The following PAX5 variants were observed in gnomAD, a reference collection of about 807,000 sequenced individuals.
PAX5 encodes paired box protein Pax-5.
A neutral mutation model predicts 43.7 loss-of-function variants in PAX5; 9 were observed. That is an observed-to-expected ratio of 0.21 (90% CI 0.12 to 0.36). The LOEUF is 0.36. Ranked by LOEUF, PAX5 falls within the 10% of genes least tolerant of loss-of-function variation. The pLI is 1.00. For missense variants in PAX5, 383 were observed against 532.7 expected (o/e 0.72, Z 2.77); for synonymous variants, 228 against 214.3 (o/e 1.06, Z -0.56).
chr9:36,998,844 C>T (rs1035530758), intron 5 of PAX5, among the ~76,000 whole-genome samples: 1 of 152,126 alleles, frequency 6.6e-6, no homozygotes, highest in African/African-American at 2.4e-5. Context: ...AATATAGCAT[C>T]AAATTTTTTA....
chr9:36,956,137 A>T (rs1025868547), intron 6 of PAX5, among the ~76,000 whole-genome samples: 1 of 152,174 alleles, frequency 6.6e-6, no homozygotes. Flanking sequence ...ATTCTCACAC[A>T]GTATTTTGGC....
intron 6 of PAX5, among the ~76,000 whole-genome samples, chr9:36,947,788 C>T (rs552918612): frequency 1.3e-5 from 2 of 152,028 alleles, no homozygotes; most frequent in Non-Finnish European, 2.9e-5. Flanking sequence ...CTTTGGCCAC[C>T]TGAAACTACT....
chr9:36,937,174 G>T (rs986728152), intron 6 of PAX5, among the ~76,000 whole-genome samples: 2 of 152,162 alleles, frequency 1.3e-5, no homozygotes, highest in African/African-American at 4.8e-5. Context: ...CATTGACTGG[G>T]TGCTTACTGT....
intron 8 of PAX5, among the ~76,000 whole-genome samples, chr9:36,863,064 G>A (rs904333417): frequency 1.3e-5 from 2 of 152,174 alleles, no homozygotes; most frequent in African/African-American, 4.8e-5. Flanking sequence ...CTGCTCAAGA[G>A]AAGGAAGGAA....
At chr9:36,964,056 G>A (rs367605663) in intron 6 of PAX5, among the ~76,000 whole-genome samples, 2 of 152,090 alleles carry the variant, frequency 1.3e-5, no homozygotes, top group African/African-American at 2.4e-5. Flanking sequence ...CGAGGCAGGC[G>A]GATCATGAGG....
intron 1 of PAX5, among the ~76,000 whole-genome samples, chr9:37,021,036 C>A (rs562698687): frequency 1.3e-5 from 2 of 152,290 alleles, no homozygotes; most frequent in African/African-American, 4.8e-5. Flanking sequence ...CAGCAAACAT[C>A]CCCATACTAT....
chr9:36,857,601 G>A (rs1213540237), intron 8 of PAX5, among the ~76,000 whole-genome samples: 1 of 152,232 alleles, frequency 6.6e-6, no homozygotes, highest in African/African-American at 2.4e-5. Flanking sequence ...TGGCTGCAAT[G>A]TGGGCTTGAG....
intron 4 of PAX5, among the ~76,000 whole-genome samples, chr9:37,005,618 A>G (rs546813743): frequency 4.6e-5 from 7 of 152,346 alleles, no homozygotes; most frequent in Non-Finnish European, 7.3e-5. Flanking sequence ...TGTGAGTTCA[A>G]GTTCTCAGTT....
intron 6 of PAX5, among the ~76,000 whole-genome samples, chr9:36,926,394 G>A (rs1003627090): frequency 6.6e-6 from 1 of 152,192 alleles, no homozygotes; most frequent in Non-Finnish European, 1.5e-5. Context: ...GTGTGTACGA[G>A]GTAGAGATTA....
intron 7 of PAX5, among the ~76,000 whole-genome samples, chr9:36,897,180 G>A (rs1485123986): frequency 6.6e-6 from 1 of 152,196 alleles, no homozygotes; most frequent in East Asian, 1.9e-4. Context: ...CTCGGGTCCA[G>A]GCAGCAGCTG....
chr9:36,952,418 T>G (rs572801760), intron 6 of PAX5, among the ~76,000 whole-genome samples: 16 of 152,116 alleles, frequency 1.1e-4, no homozygotes, highest in African/African-American at 3.9e-4. Flanking sequence ...TTTTTGCATT[T>G]TAGTAGAGAC....
chr9:36,958,775 C>T (rs1308499876), intron 6 of PAX5, among the ~76,000 whole-genome samples: 1 of 152,178 alleles, frequency 6.6e-6, no homozygotes, highest in African/African-American at 2.4e-5. Flanking sequence ...GGCCCTGACC[C>T]CAGCACACAA....
intron 6 of PAX5, among the ~76,000 whole-genome samples, chr9:36,949,101 G>A (rs576038612): frequency 6.6e-5 from 10 of 152,076 alleles, no homozygotes; most frequent in East Asian, 3.9e-4. Context: ...TCGCTCTGTC[G>A]CCCAGGCTGG....
At chr9:36,931,759 G>A (rs1831142419) in intron 6 of PAX5, among the ~76,000 whole-genome samples, 1 of 150,396 alleles carries the variant, frequency 6.6e-6, no homozygotes, top group Non-Finnish European at 1.5e-5. Context: ...TGAGGCAGGA[G>A]AATTGCTTGA....
intron 9 of PAX5, among the ~76,000 whole-genome samples, chr9:36,844,512 G>A (rs1309487710): frequency 6.6e-6 from 1 of 152,170 alleles, no homozygotes; most frequent in Non-Finnish European, 1.5e-5. Flanking sequence ...GGTACAATTA[G>A]CAAGCGCTCA....
intron 3 of PAX5, among the ~76,000 whole-genome samples, chr9:37,011,420 A>G (rs1164230422): frequency 1.4e-4 from 22 of 152,182 alleles, no homozygotes; most frequent in Admixed American, 1.4e-3. Flanking sequence ...TTGGTACTAA[A>G]TAGAGCTGCC....
At chr9:36,933,181 C>G (rs1831268594) in intron 6 of PAX5, among the ~76,000 whole-genome samples, 1 of 151,556 alleles carries the variant, frequency 6.6e-6, no homozygotes, top group South Asian at 2.1e-4. Flanking sequence ...AAGAAAGTCT[C>G]CATAGTTAAA....
chr9:36,859,805 T>G (rs1237751218), intron 8 of PAX5, among the ~76,000 whole-genome samples: 2 of 151,956 alleles, frequency 1.3e-5, no homozygotes, highest in East Asian at 3.9e-4. Context: ...GAGGCCGAGG[T>G]AGGTGGATCA....
At chr9:36,870,351 A>G (rs1480315156) in intron 8 of PAX5, among the ~76,000 whole-genome samples, 1 of 152,234 alleles carries the variant, frequency 6.6e-6, no homozygotes, top group East Asian at 1.9e-4. Flanking sequence ...CACTCTAAAA[A>G]CACAAAAAGC....
Sources: gnomAD v4.1 joint callset for allele counts (sites outside exome capture counted in the v4.1 genomes callset) on GRCh38, gnomAD v4.1.1 for gene constraint, MANE v1.5 for transcripts, NCBI Gene and HGNC (gene_info 2026-07-23, HGNC 2026-07-21) for gene names.